Variants in TUSC3 observed in about 807,000 individuals in gnomAD.
The protein encoded by TUSC3 is tumor suppressor candidate 3.
TUSC3 carries 45 observed loss-of-function variants against 44.8 expected under a neutral mutation model. The observed-to-expected ratio is 1.00, with a 90% confidence interval of 0.79 to 1.29. TUSC3 has a LOEUF of 1.29. Among genes scored for constraint, TUSC3 ranks in the 50% most tolerant of loss-of-function variants. TUSC3 has a pLI of 0.00. For synonymous variants in TUSC3, 212 were observed against 152.9 expected, an observed-to-expected ratio of 1.39 and a Z score of -2.85; for missense variants, 519 against 437.9, an observed-to-expected ratio of 1.19 and a Z score of -1.65.
At chr8:15,638,327 G>A (rs1806187372) in intron 2 of TUSC3, among the ~76,000 whole-genome samples, 2 of 151,838 alleles carry the variant, frequency 1.3e-5, no homozygotes. Flanking sequence ...CCCAGTTACT[G>A]TACTGGCATT....
At chr8:15,669,231 A>T (rs762395758) in intron 5 of TUSC3, among the ~76,000 whole-genome samples, 1 of 151,828 alleles carries the variant, frequency 6.6e-6, no homozygotes, top group Non-Finnish European at 1.5e-5. Context: ...AAGTCTTCAT[A>T]CTCCAGTATG....
At chr8:15,437,040 A>C (rs1432888632) in intron 1 of TUSC3, among the ~76,000 whole-genome samples, 3 of 152,124 alleles carry the variant, frequency 2.0e-5, no homozygotes, top group African/African-American at 7.2e-5. Context: ...TTTTCTCAAA[A>C]ATTGTTTTCC....
intron 1 of TUSC3, among the ~76,000 whole-genome samples, chr8:15,614,877 C>G (rs983763179): frequency 6.9e-6 from 1 of 144,036 alleles, no homozygotes; most frequent in African/African-American, 2.6e-5. Context: ...TTCCAATTTA[C>G]TTTTTATATA....
chr8:15,696,313 G>C (rs1156404928), intron 6 of TUSC3, among the ~76,000 whole-genome samples: 1 of 152,174 alleles, frequency 6.6e-6, no homozygotes, highest in African/African-American at 2.4e-5. Context: ...CAAGCTCCAA[G>C]CCTTGGCAGC....
chr8:15,760,001 C>T (rs538564375), intron 10 of TUSC3, among the ~76,000 whole-genome samples: 3 of 152,130 alleles, frequency 2.0e-5, no homozygotes, highest in East Asian at 3.9e-4. Context: ...TCTTGAGTAC[C>T]TTGTGTCTTT....
intron 5 of TUSC3, among the ~76,000 whole-genome samples, chr8:15,664,168 G>A (rs965377969): frequency 1.3e-5 from 2 of 151,706 alleles, no homozygotes; most frequent in Non-Finnish European, 3.0e-5. Context: ...CAAAGATTCA[G>A]TAATCTCAAC....
chr8:15,840,759 G>T, the TUSC3 span, among the ~76,000 whole-genome samples: 4 of 152,090 alleles, frequency 2.6e-5, no homozygotes, highest in African/African-American at 4.8e-5. Context: ...TCCTTTGAAA[G>T]AAACAATAAT....
At chr8:15,586,586 C>T (rs1803613646) in intron 1 of TUSC3, among the ~76,000 whole-genome samples, 2 of 152,100 alleles carry the variant, frequency 1.3e-5, no homozygotes, top group South Asian at 2.1e-4. Flanking sequence ...AGATCAGGAG[C>T]GCTAGAGGTA....
intron 2 of TUSC3, among the ~76,000 whole-genome samples, chr8:15,646,609 C>A (rs1806643748): frequency 6.6e-6 from 1 of 151,840 alleles, no homozygotes; most frequent in African/African-American, 2.4e-5. Flanking sequence ...GATTATAGTA[C>A]TGTTCATATT....
At chr8:15,692,426 A>G (rs1284362045) in intron 6 of TUSC3, among the ~76,000 whole-genome samples, 19 of 112,408 alleles carry the variant, frequency 1.7e-4, no homozygotes, top group Admixed American at 1.3e-4. Flanking sequence ...GAATGGTACC[A>G]GCTCTTCTTT....
At chr8:15,663,198 T>C (rs907372192) in intron 5 of TUSC3, among the ~76,000 whole-genome samples, 2 of 151,816 alleles carry the variant, frequency 1.3e-5, no homozygotes, top group South Asian at 4.1e-4. Context: ...ATGTATGAAA[T>C]ATTTATAAAT....
chr8:15,428,455 C>T (rs1386396812), intron 1 of TUSC3, among the ~76,000 whole-genome samples: 6 of 151,940 alleles, frequency 3.9e-5, no homozygotes, highest in Admixed American at 1.3e-4. Context: ...TTTATAGCAG[C>T]ATGATTTATA....
chr8:15,509,591 G>C (rs1801105504), intron 2 of TUSC3, among the ~76,000 whole-genome samples: 1 of 152,040 alleles, frequency 6.6e-6, no homozygotes. Flanking sequence ...CTGGGAGACA[G>C]AGTGAGACAC....
At chr8:15,492,220 C>A (rs761837633) in intron 2 of TUSC3, among the ~76,000 whole-genome samples, 1 of 152,030 alleles carries the variant, frequency 6.6e-6, no homozygotes, top group Non-Finnish European at 1.5e-5. Flanking sequence ...TACTTGGGTA[C>A]GTTAATAATA....
chr8:15,756,398 C>T (rs1244036123), intron 9 of TUSC3, among the ~76,000 whole-genome samples: 1 of 152,090 alleles, frequency 6.6e-6, no homozygotes, highest in Non-Finnish European at 1.5e-5. Context: ...GTAGTAGGTT[C>T]TCAATAAAAA....
At chr8:15,440,136 G>A (rs971420400) in intron 1 of TUSC3, among the ~76,000 whole-genome samples, 1 of 152,146 alleles carries the variant, frequency 6.6e-6, no homozygotes, top group Non-Finnish European at 1.5e-5. Flanking sequence ...TATGATTTTG[G>A]GCTGGGATTT....
chr8:15,795,483 G>T, the TUSC3 span, among the ~76,000 whole-genome samples: 1 of 152,126 alleles, frequency 6.6e-6, no homozygotes. Flanking sequence ...TAAAAAATGT[G>T]TCACTTACCC....
At chr8:15,675,673 C>G (rs926758844) in intron 6 of TUSC3, among the ~76,000 whole-genome samples, 2 of 152,204 alleles carry the variant, frequency 1.3e-5, no homozygotes, top group Middle Eastern at 6.8e-3. Flanking sequence ...TTAGCTCCTA[C>G]TTATAAGAAC....
In TUSC3 at chr8:15,530,443, C is replaced by T. The variant is rs904581725; in HGVS notation, n.189+46960C>T. On this transcript the variant is annotated intron_variant and non_coding_transcript_variant, in intron 2 of 5. Coordinates refer to the TUSC3 transcript ENST00000503191. The stretch of plus-strand genomic sequence containing the variant: ...ATAATGTGTTAGATGCTAAAGACTT[C>T]GCATGTATTCACTTGTTTCATCTTC... Among the ~76,000 whole-genome samples, 5 of 152,254 alleles carry T rather than the reference C, an allele frequency of 3.3e-5. No individual in the cohort carries two copies. In the East Asian group the frequency reaches 7.7e-4, roughly 24 times the overall value.
Sources: gnomAD v4.1 joint callset for allele counts (sites outside exome capture counted in the v4.1 genomes callset) on GRCh38, gnomAD v4.1.1 for gene constraint, MANE v1.5 for transcripts, NCBI Gene and HGNC (gene_info 2026-07-23, HGNC 2026-07-21) for gene names.